ITPR1: variants seen among roughly 807,000 people sequenced by gnomAD.
The protein encoded by ITPR1 is inositol 1,4,5-trisphosphate-gated calcium channel ITPR1.
In ITPR1, 96 loss-of-function variants were observed where a neutral mutation model predicts 318.4. That is an observed-to-expected ratio of 0.30 (90% CI 0.26 to 0.36). The LOEUF is 0.36. Among genes scored for constraint, ITPR1 ranks in the 10% least tolerant of loss-of-function variants. The pLI is 1.00. For missense variants in ITPR1, 2,440 were observed against 3,460.2 expected (o/e 0.71, Z 7.40); for synonymous variants, 1,312 against 1,289.9 (o/e 1.02, Z -0.37).
At chr3:4,499,046 C>T (rs1327650656) in intron 2 of ITPR1, among the ~76,000 whole-genome samples, 2 of 152,158 alleles carry the variant, frequency 1.3e-5, no homozygotes, top group Non-Finnish European at 2.9e-5. Context: ...CTCGGCTACT[C>T]AGGGGACGGA....
intron 4 of ITPR1, among the ~76,000 whole-genome samples, chr3:4,584,579 G>T (rs1015222297): frequency 6.6e-5 from 10 of 151,428 alleles, no homozygotes; most frequent in Admixed American, 2.6e-4. Context: ...TTTTGTGAAA[G>T]GAAGTTGAAT....
At chr3:4,778,869 C>T (rs773929833) in intron 48 of ITPR1, among the ~76,000 whole-genome samples, 5 of 152,200 alleles carry the variant, frequency 3.3e-5, no homozygotes, top group African/African-American at 4.8e-5. Context: ...CTTTCAAGTC[C>T]TGTACATAAA....
In ITPR1 at chr3:4,582,065, C is replaced by T. The variant is rs147916665; in HGVS notation, c.164-45698C>T. On this transcript the variant is annotated intron_variant, in intron 4 of 61. Coordinates refer to ENST00000649015, the MANE Select transcript of ITPR1 (RefSeq NM_001378452.1). ...ACATTTCCTAATGCTGCTGTCATTT[C>T]TTAAGTCATGCTATGTGTGAGACTT... 9.4e-3 allele frequency among the ~76,000 whole-genome samples: 1,426 copies of T among 151,990 alleles called. 20 individuals are homozygous for T. Among genetic ancestry groups the T allele is most frequent in the African/African-American group, 0.032 (1,345 of 41,442 alleles).
At chr3:4,535,609 A>AT (rs919826376) in intron 4 of ITPR1, among the ~76,000 whole-genome samples, 23 of 149,840 alleles carry the variant, frequency 1.5e-4, no homozygotes, top group African/African-American at 3.2e-4. Context: ...CGCCCGGCTA[A>AT]TTTTTTTTTG....
intron 52 of ITPR1, among the ~76,000 whole-genome samples, chr3:4,794,370 C>T (rs1310212847): frequency 6.6e-6 from 1 of 152,228 alleles, no homozygotes; most frequent in Non-Finnish European, 1.5e-5. Context: ...GCCACATCCT[C>T]TCTCTGCCAC....
At chr3:4,808,049 C>G (rs912186210) in intron 55 of ITPR1, among the ~76,000 whole-genome samples, 7 of 152,256 alleles carry the variant, frequency 4.6e-5, no homozygotes, top group Non-Finnish European at 8.8e-5. Context: ...TTTGAGTCCT[C>G]TTCTCTTCAT....
At chr3:4,667,296 C>A in intron 17 of ITPR1, 81 bp from the exon 18 acceptor site, 1 of 1,099,096 alleles carries the variant, frequency 9.1e-7, no homozygotes, top group Non-Finnish European at 1.3e-6. Flanking sequence ...CATCAGGAAA[C>A]ATTGCTGCTT....
At chr3:4,830,613 G>A (rs1348053408) in intron 60 of ITPR1, among the ~76,000 whole-genome samples, 1 of 152,092 alleles carries the variant, frequency 6.6e-6, no homozygotes, top group Non-Finnish European at 1.5e-5. Context: ...CTGTTTCCAG[G>A]CCTACCCCGT....
chr3:4,561,514 A>G (rs2125017381), intron 4 of ITPR1, among the ~76,000 whole-genome samples: 1 of 152,298 alleles, frequency 6.6e-6, no homozygotes, highest in East Asian at 1.9e-4. Context: ...CTAAGAACGA[A>G]ACTCACTACA....
chr3:4,629,851 G>A (rs150139226), intron 5 of ITPR1, among the ~76,000 whole-genome samples: 38 of 152,280 alleles, frequency 2.5e-4, no homozygotes, highest in Non-Finnish European at 3.4e-4. Context: ...AGCCTCAGTC[G>A]GAGGCACCCA....
At chr3:4,791,914 A>G (rs1238789571) in intron 52 of ITPR1, among the ~76,000 whole-genome samples, 1 of 152,184 alleles carries the variant, frequency 6.6e-6, no homozygotes, top group African/African-American at 2.4e-5. Context: ...AATTACCACA[A>G]AGCTTGAAGC....
intron 4 of ITPR1, among the ~76,000 whole-genome samples, chr3:4,598,784 T>G (rs2091046343): frequency 6.6e-6 from 1 of 152,220 alleles, no homozygotes; most frequent in African/African-American, 2.4e-5. Context: ...CCTAAAAATT[T>G]GGGCTCTAAA....
At chr3:4,787,413 G>A in intron 51 of ITPR1, among the ~76,000 whole-genome samples, 1 of 149,982 alleles carries the variant, frequency 6.7e-6, no homozygotes, top group Non-Finnish European at 1.5e-5. Context: ...ATTAAAATTA[G>A]GTCAGGCACA....
rs188621232 is a variant in ITPR1, at chr3:4,554,032, C to G, written c.163+32938C>G. Among the ~76,000 whole-genome samples, 7 of 152,306 alleles carry G rather than the reference C, an allele frequency of 4.6e-5. No homozygotes were observed. The East Asian group carries it at 1.2e-3, about 25-fold the overall frequency. On this transcript the variant is annotated intron_variant, in intron 4 of 61. Transcript: ENST00000649015. The stretch of plus-strand genomic sequence containing the variant: ...TGCTCGGATTACAGGTGTGAGCCAC[C>G]GCGCCCAGCCTTACTACTATTATTA...
intron 2 of ITPR1, among the ~76,000 whole-genome samples, chr3:4,506,913 A>G (rs772794731): frequency 1.4e-4 from 21 of 152,220 alleles, no homozygotes; most frequent in Non-Finnish European, 2.1e-4. Flanking sequence ...CCTAAAAACA[A>G]TTCAGGACCC....
At chr3:4,516,670 C>A in intron 3 of ITPR1, 87 bp downstream of exon 3, 1 of 848,958 alleles carries the variant, frequency 1.2e-6, no homozygotes, top group Non-Finnish European at 1.9e-6. Context: ...AACATAAGAA[C>A]GTCACCGTTT....
intron 3 of ITPR1, among the ~76,000 whole-genome samples, chr3:4,518,624 A>C (rs1397946927): frequency 1.3e-5 from 2 of 152,178 alleles, no homozygotes; most frequent in Admixed American, 1.3e-4. Context: ...GTAGCACTCC[A>C]GCCCCATCCC....
At chr3:4,730,227 A>AC (rs1419141549) in intron 42 of ITPR1, among the ~76,000 whole-genome samples, 3 of 147,816 alleles carry the variant, frequency 2.0e-5, no homozygotes, top group South Asian at 2.2e-4. Context: ...AAAAAAAAAA[A>AC]AAACAAAAAA....
chr3:4,762,794 T>G (rs1276443142), intron 44 of ITPR1, among the ~76,000 whole-genome samples: 2 of 152,178 alleles, frequency 1.3e-5, no homozygotes, highest in Non-Finnish European at 2.9e-5. Flanking sequence ...TCCTCAAAGA[T>G]TTAGAACCAG....
Sources: gnomAD v4.1 joint callset for allele counts (sites outside exome capture counted in the v4.1 genomes callset) on GRCh38, gnomAD v4.1.1 for gene constraint, MANE v1.5 for transcripts, NCBI Gene and HGNC (gene_info 2026-07-23, HGNC 2026-07-21) for gene names.